Variants in DOCK8 observed in about 807,000 individuals in gnomAD.
The protein encoded by DOCK8 is dedicator of cytokinesis protein 8.
A neutral mutation model predicts 245.6 loss-of-function variants in DOCK8; 141 were observed. The observed-to-expected ratio is 0.57, with a 90% CI of 0.50 to 0.66. The LOEUF is 0.66. Among genes scored for constraint, DOCK8 ranks in the 30% least tolerant of loss-of-function variants. The pLI is 0.00. For synonymous variants in DOCK8, 1,168 were observed against 970.2 expected (o/e 1.20, Z -3.79); for missense variants, 2,965 against 2,603.4 (o/e 1.14, Z -3.02).
Position 386,682 on chromosome 9 carries a change from T to C in DOCK8, c.2874+256T>C, listed in dbSNP as rs142023313. Among the ~76,000 whole-genome samples the C allele has an allele frequency of 3.1e-3, 470 of 152,350 alleles. 3 individuals are homozygous for C. The highest frequency in any genetic ancestry group is 7.3e-3 in the Admixed American group (111 of 15,294). Reference sequence around the variant, plus strand: ...TGGAAGCCTTGTTAAAACTCATCGCTGGACCCTACCTCCTGAGTTTCTGAT... The same window carrying C: ...TGGAAGCCTTGTTAAAACTCATCGCCGGACCCTACCTCCTGAGTTTCTGAT... On this transcript the variant is annotated intron_variant, in intron 23 of 47. Coordinates refer to ENST00000432829, the MANE Select transcript of DOCK8 (RefSeq NM_203447.4).
intron 14 of DOCK8, among the ~76,000 whole-genome samples, chr9:357,425 G>A (rs141185352): frequency 6.6e-6 from 1 of 152,152 alleles, no homozygotes; most frequent in Non-Finnish European, 1.5e-5. Flanking sequence ...TACCATAAGA[G>A]ACATTAAGAC....
chr9:260,366 A>G (rs1587680407), intron 1 of DOCK8, among the ~76,000 whole-genome samples: 2 of 152,316 alleles, frequency 1.3e-5, no homozygotes, highest in South Asian at 2.1e-4. Context: ...CTCAATGCAA[A>G]TGTTGGTTTT....
At chr9:424,596 G>C (rs940903785) in intron 33 of DOCK8, among the ~76,000 whole-genome samples, 3 of 152,036 alleles carry the variant, frequency 2.0e-5, no homozygotes, top group Non-Finnish European at 4.4e-5. Context: ...TTTTTGTAGA[G>C]ACAGGGTTTC....
upstream of DOCK8, among the ~76,000 whole-genome samples, chr9:212,054 T>A (rs2131298931): frequency 6.6e-6 from 1 of 152,360 alleles, no homozygotes; most frequent in African/African-American, 2.4e-5. Context: ...CTTACTAGTT[T>A]GTAATCTTGG....
chr9:369,388 T>C (rs1466905379), intron 15 of DOCK8: 2 of 152,264 alleles, frequency 1.3e-5, no homozygotes, highest in Admixed American at 6.5e-5. Context: ...CACTGAGCCA[T>C]GGGTTCTGGT....
In DOCK8 at chr9:354,127, T is replaced by C. The variant is rs951677386; in HGVS notation, c.1679+13806T>C. 2.6e-5 allele frequency among the ~76,000 whole-genome samples: 4 copies of C among 151,838 alleles called. No homozygotes were observed. The East Asian group carries it at 7.7e-4, about 29-fold the overall frequency. On this transcript the variant is annotated intron_variant, in intron 14 of 47. Coordinates refer to ENST00000432829, the MANE Select transcript of DOCK8 (RefSeq NM_203447.4). Reference sequence around the variant, plus strand: ...CAGGTGGATCACCTGAGGCCAGGAGTTCAAGACTAGTCTGGACAACTTGGC... The same window carrying C: ...CAGGTGGATCACCTGAGGCCAGGAGCTCAAGACTAGTCTGGACAACTTGGC...
intron 6 of DOCK8, chr9:312,410 T>C (rs994660837): frequency 7.9e-6 from 5 of 635,002 alleles, no homozygotes; most frequent in Non-Finnish European, 5.8e-6. Flanking sequence ...TTACAAAATA[T>C]GTTCACTAAG....
intron 14 of DOCK8, 131 bp from the exon 15 acceptor site, chr9:367,887 A>C: frequency 1.4e-6 from 1 of 725,186 alleles, no homozygotes; most frequent in East Asian, 2.6e-5. Context: ...CCCCAATAAT[A>C]ATTCACTTCT....
intron 1 of DOCK8, among the ~76,000 whole-genome samples, chr9:243,513 C>T (rs767883015): frequency 6.6e-6 from 1 of 152,088 alleles, no homozygotes; most frequent in Non-Finnish European, 1.5e-5. Context: ...GGCCTCTTTG[C>T]TGAGATCAAG....
chr9:260,404 C>A (rs943732647), intron 1 of DOCK8, among the ~76,000 whole-genome samples: 3 of 152,182 alleles, frequency 2.0e-5, no homozygotes, highest in Non-Finnish European at 4.4e-5. Flanking sequence ...ATTCTTGGTT[C>A]TTCAGGATAG....
intron 1 of DOCK8, among the ~76,000 whole-genome samples, chr9:255,771 A>C (rs1360712823): frequency 6.6e-6 from 1 of 151,948 alleles, no homozygotes; most frequent in African/African-American, 2.4e-5. Context: ...TATGAAGAAT[A>C]ATTTATACTC....
chr9:458,683 T>G (rs1423941550), intron 46 of DOCK8, among the ~76,000 whole-genome samples: 1 of 152,006 alleles, frequency 6.6e-6, no homozygotes, highest in Non-Finnish European at 1.5e-5. Flanking sequence ...TGTAGTGGCG[T>G]GCCTGTAGTT....
intron 5 of DOCK8, among the ~76,000 whole-genome samples, chr9:305,305 CAG>C (rs1325010659): frequency 1.3e-5 from 2 of 150,390 alleles, no homozygotes; most frequent in Non-Finnish European, 3.0e-5. Flanking sequence ...TTTGTTGAGA[CAG>C]AGTCTCGCTC....
At chr9:324,752 C>A (rs34755173) in intron 7 of DOCK8, among the ~76,000 whole-genome samples, 1 of 152,030 alleles carries the variant, frequency 6.6e-6, no homozygotes, top group African/African-American at 2.4e-5. Flanking sequence ...TAAGGAAAAG[C>A]AATTGAACTT....
At position 451,951 on chromosome 9, in the gene DOCK8, G is replaced by GTT. The variant is rs2057463380; in HGVS notation, c.5962-59_5962-58insTT. On this transcript the variant is annotated intron_variant, in intron 45 of 47. Transcript: ENST00000432829. ...TGTATGTGTATATATATATGTGTGT[G>GTT]TGTGTATATATATATATATATATAT... 2.2e-5 allele frequency: 6 copies of GTT among 279,010 alleles called. No homozygotes were observed. In the East Asian group the frequency reaches 3.1e-4, roughly 15 times the overall value. The allele number at this position is 279,010 out of a possible 1,614,324, so 17.3% of individuals were successfully genotyped here. A position where few individuals can be genotyped will look rare whatever the true frequency, so the allele number is the denominator to read the frequency against.
In DOCK8 at chr9:328,318, G is replaced by A. The variant is rs182025496; in HGVS notation, c.1044+147G>A. On this transcript the variant is annotated intron_variant, in intron 9 of 47. Coordinates refer to ENST00000432829, the MANE Select transcript of DOCK8 (RefSeq NM_203447.4). The stretch of plus-strand genomic sequence containing the variant: ...TTCCTTCTCAGTTTACCCCTTTTCC[G>A]TTCTAAGTAAACTGTTTCAGATACT... 4.8e-4 allele frequency: 544 copies of A among 1,142,488 alleles called. 1 individual carries two copies. Among genetic ancestry groups the A allele is most frequent in the East Asian group, 3.8e-3 (148 of 38,636 alleles). 70.8% of individuals were successfully genotyped at this position (1,142,488 alleles called of 1,614,324 possible). A position where few individuals can be genotyped will look rare whatever the true frequency, so the allele number is the denominator to read the frequency against.
At chr9:463,184 G>T (rs1463660183) in intron 46 of DOCK8, among the ~76,000 whole-genome samples, 4 of 152,022 alleles carry the variant, frequency 2.6e-5, no homozygotes, top group Non-Finnish European at 5.9e-5. Flanking sequence ...TGGGGCCCAG[G>T]AGGTCGAAGT....
chr9:432,024 T>C, intron 36 of DOCK8, 142 bp from the exon 37 acceptor site: 1 of 826,818 alleles, frequency 1.2e-6, no homozygotes. Flanking sequence ...TAGCTCCCAT[T>C]TCATTGAGAG....
chr9:399,100 T>C, intron 25 of DOCK8, 46 bp from the exon 26 acceptor site: 1 of 1,577,418 alleles, frequency 6.3e-7, no homozygotes, highest in Non-Finnish European at 8.7e-7. Context: ...GAAGTTCAAA[T>C]CCAGAGTGTC....
Sources: gnomAD v4.1 joint callset for allele counts (sites outside exome capture counted in the v4.1 genomes callset) on GRCh38, gnomAD v4.1.1 for gene constraint, MANE v1.5 for transcripts, NCBI Gene and HGNC (gene_info 2026-07-23, HGNC 2026-07-21) for gene names.